The following NKAIN3 variants were observed in gnomAD, a reference collection of about 807,000 sequenced individuals.
The protein encoded by NKAIN3 is sodium/potassium transporting ATPase interacting 3.
Under a neutral mutation model 30.2 loss-of-function variants are expected in NKAIN3, and 25 were observed. That is an observed-to-expected ratio of 0.83 (90% CI 0.60 to 1.16). The LOEUF (loss-of-function observed/expected upper bound fraction) is 1.16, where lower values mean the gene tolerates loss of function less well. Ranked by LOEUF, NKAIN3 falls within the 50% of genes most tolerant of loss-of-function variation. NKAIN3 has a pLI of 0.00. For missense variants in NKAIN3, 225 were observed against 254.1 expected (o/e 0.89, Z 0.78); for synonymous variants, 91 against 89.6 (o/e 1.02, Z -0.09).
chr8:62,504,777 A>T (rs1030079242), intron 1 of NKAIN3, among the ~76,000 whole-genome samples: 12 of 152,098 alleles, frequency 7.9e-5, no homozygotes, highest in African/African-American at 2.9e-4. Flanking sequence ...TTAGCTGTCA[A>T]TCTCCCTTAC....
chr8:62,954,601 T>G (rs1004854725), intron 6 of NKAIN3, among the ~76,000 whole-genome samples: 1 of 152,042 alleles, frequency 6.6e-6, no homozygotes, highest in Non-Finnish European at 1.5e-5. Flanking sequence ...AAGAAAGAAA[T>G]CTTAAGTCAC....
chr8:62,653,074 G>A (rs1330867825), intron 3 of NKAIN3, among the ~76,000 whole-genome samples: 1 of 152,172 alleles, frequency 6.6e-6, no homozygotes, highest in African/African-American at 2.4e-5. Context: ...CAGAGTTACT[G>A]TGAGATTCTT....
intron 1 of NKAIN3, among the ~76,000 whole-genome samples, chr8:62,372,302 G>T (rs1166613332): frequency 6.6e-6 from 1 of 151,840 alleles, no homozygotes; most frequent in Admixed American, 6.6e-5. Context: ...TTAATCTTCA[G>T]TCTTATTTCT....
At chr8:62,781,452 T>G (rs925033845) in intron 4 of NKAIN3, among the ~76,000 whole-genome samples, 1 of 151,550 alleles carries the variant, frequency 6.6e-6, no homozygotes, top group African/African-American at 2.4e-5. Context: ...GAATAAAAAA[T>G]GAGCCAGAAT....
chr8:62,524,770 G>A (rs990058654), intron 1 of NKAIN3, among the ~76,000 whole-genome samples: 1 of 151,886 alleles, frequency 6.6e-6, no homozygotes, highest in African/African-American at 2.4e-5. Context: ...AAAGCACTCC[G>A]CTCATCCACG....
chr8:62,992,362 A>G (rs72656596), intron 5 of NKAIN3, among the ~76,000 whole-genome samples: 2,093 of 151,878 alleles, frequency 0.014, 30 homozygotes, highest in Non-Finnish European at 0.018. Flanking sequence ...ATCTCTCTGT[A>G]TTTCTTATAC....
At chr8:62,742,621 G>T (rs1006975609) in intron 3 of NKAIN3, among the ~76,000 whole-genome samples, 2 of 152,134 alleles carry the variant, frequency 1.3e-5, no homozygotes, top group Non-Finnish European at 2.9e-5. Flanking sequence ...GACACCAGTT[G>T]TATCAGTTGT....
intron 4 of NKAIN3, among the ~76,000 whole-genome samples, chr8:62,905,504 T>C (rs1563621347): frequency 6.6e-6 from 1 of 152,230 alleles, no homozygotes; most frequent in Admixed American, 6.5e-5. Flanking sequence ...ACTGATTTCA[T>C]ATTTTTCTCC....
intron 4 of NKAIN3, among the ~76,000 whole-genome samples, chr8:62,757,903 T>G (rs944649338): frequency 1.3e-5 from 2 of 152,148 alleles, no homozygotes; most frequent in African/African-American, 4.8e-5. Flanking sequence ...ATGTTTCAGT[T>G]TGTAAACAGG....
At chr8:62,347,743 C>A (rs538750990) in intron 1 of NKAIN3, among the ~76,000 whole-genome samples, 92 of 152,036 alleles carry the variant, frequency 6.1e-4, no homozygotes, top group African/African-American at 2.0e-3. Context: ...CTAGTTAGAG[C>A]AAAACTAACA....
chr8:62,301,184 T>C (rs1229338702), intron 1 of NKAIN3, among the ~76,000 whole-genome samples: 1 of 151,094 alleles, frequency 6.6e-6, no homozygotes, highest in Non-Finnish European at 1.5e-5. Flanking sequence ...AAAGAAATCA[T>C]TCTAATATTC....
rs1321864333 is a variant in NKAIN3, at chr8:62,984,873, A to C, written c.*19466A>C. 2 of 152,184 alleles carry C rather than the reference A, an allele frequency of 1.3e-5. No homozygotes were observed. Among genetic ancestry groups the C allele is most frequent in the Non-Finnish European group, 2.9e-5 (2 of 68,026 alleles). The allele number at this position is 152,184 out of a possible 1,614,324, so 9.4% of individuals were successfully genotyped here. On this transcript the variant is annotated 3_prime_UTR_variant, in exon 7 of 7. Transcript: ENST00000623646. ...TTAGCAGTAATAGACTATTCTTTTC[A>C]ACTATGAATAAAAATGTACACTGAA...
intron 1 of NKAIN3, among the ~76,000 whole-genome samples, chr8:62,373,455 T>C (rs569540400): frequency 3.7e-4 from 57 of 152,278 alleles, no homozygotes; most frequent in Non-Finnish European, 6.2e-4. Context: ...ATACCTTTAT[T>C]CTCACTGAGA....
intron 1 of NKAIN3, among the ~76,000 whole-genome samples, chr8:62,486,146 G>A (rs899985885): frequency 6.6e-6 from 1 of 152,062 alleles, no homozygotes; most frequent in Admixed American, 6.5e-5. Flanking sequence ...CAGAGTCCTA[G>A]GGACACCAAC....
intron 1 of NKAIN3, among the ~76,000 whole-genome samples, chr8:62,506,392 A>C (rs1318688901): frequency 6.6e-6 from 1 of 151,990 alleles, no homozygotes; most frequent in Non-Finnish European, 1.5e-5. Flanking sequence ...TTTCCTTAGA[A>C]TGCATGGGTA....
intron 1 of NKAIN3, among the ~76,000 whole-genome samples, chr8:62,534,547 A>G (rs946734978): frequency 9.9e-5 from 15 of 152,184 alleles, no homozygotes; most frequent in African/African-American, 3.6e-4. Context: ...TGTAAAACGC[A>G]TCAGCTGTTT....
chr8:62,483,742 C>T (rs1806808777), intron 1 of NKAIN3: 1 of 301,042 alleles, frequency 3.3e-6, no homozygotes, highest in Admixed American at 3.3e-5. Context: ...CTGGATGTTG[C>T]GGGAGGCTTT....
chr8:62,665,693 G>A (rs565283139), intron 3 of NKAIN3, among the ~76,000 whole-genome samples: 1 of 152,238 alleles, frequency 6.6e-6, no homozygotes, highest in African/African-American at 2.4e-5. Context: ...TATAGGAATG[G>A]CTTCCAAGAA....
chr8:62,670,387 A>G (rs1813262275), intron 3 of NKAIN3, among the ~76,000 whole-genome samples: 1 of 152,140 alleles, frequency 6.6e-6, no homozygotes, highest in African/African-American at 2.4e-5. Context: ...CTTGAAGAGG[A>G]TAGGTTTTTT....
Sources: gnomAD v4.1 joint callset for allele counts (sites outside exome capture counted in the v4.1 genomes callset) on GRCh38, gnomAD v4.1.1 for gene constraint, MANE v1.5 for transcripts, NCBI Gene and HGNC (gene_info 2026-07-23, HGNC 2026-07-21) for gene names.